SEC14L2: variants seen among roughly 807,000 people sequenced by gnomAD.
SEC14L2 encodes SEC14 like lipid binding 2.
SEC14L2 carries 50 observed loss-of-function variants against 56.9 expected under a neutral mutation model. That is an observed-to-expected ratio of 0.88 (90% CI 0.70 to 1.11). The LOEUF (loss-of-function observed/expected upper bound fraction) is 1.11, where lower values mean the gene tolerates loss of function less well. Ranked by LOEUF, SEC14L2 falls within the 50% of genes most tolerant of loss-of-function variation. The pLI is 0.00. For synonymous variants in SEC14L2, 179 were observed against 188.5 expected, an observed-to-expected ratio of 0.95 and a Z score of 0.41; for missense variants, 414 against 500.7, an observed-to-expected ratio of 0.83 and a Z score of 1.65.
rs1000696529 is a variant in SEC14L2 at position 30,424,827 on chromosome 22, G to T, written c.*2420G>T. 3 of 456,574 alleles carry T rather than the reference G, an allele frequency of 6.6e-6. No homozygotes were observed. Among genetic ancestry groups the T allele is most frequent in the Non-Finnish European group, 8.8e-6 (2 of 226,962 alleles). The allele number at this position is 456,574 out of a possible 1,614,324, so 28.3% of individuals were successfully genotyped here. A position where few individuals can be genotyped will look rare whatever the true frequency, so the allele number is the denominator to read the frequency against. On this transcript the variant is annotated 3_prime_UTR_variant, in exon 12 of 12. Transcript: ENST00000615189. ...GCTCACCTGGGTGAACTGAGGTCCA[G>T]CGGGGGAAGGCTTCCTCCTGTTGTA...
intron 11 of SEC14L2, 181 bp downstream of exon 11, chr22:30,416,584 C>G: frequency 6.7e-7 from 1 of 1,484,498 alleles, no homozygotes; most frequent in South Asian, 1.4e-5. Flanking sequence ...TTATGGTGAC[C>G]CAACTGGTTA....
In SEC14L2 at chr22:30,416,017, A is replaced by G. The variant is rs1229487070; in HGVS notation, c.841A>G (p.Ser281Gly). Residue 281 changes from serine (S) to glycine (G), a missense_variant, in exon 10 of 12, where the codon AGC (serine) becomes GGC (glycine). Coordinates refer to ENST00000615189, the MANE Select transcript of SEC14L2 (RefSeq NM_012429.5). The part of the protein sequence containing the change: ...RDQVKQQYEH[S>G]VQISRGSSHQ... Reference sequence around the variant, plus strand: ...CCAGGTGAAACAGCAGTATGAACACAGCGTGCAGATTTCCCGTGGCTCCTC... The same window carrying G: ...CCAGGTGAAACAGCAGTATGAACACGGCGTGCAGATTTCCCGTGGCTCCTC... 1 of 1,614,236 alleles carries G rather than the reference A, an allele frequency of 6.2e-7. No homozygotes were observed. Among genetic ancestry groups the G allele is most frequent in the East Asian group, 2.2e-5 (1 of 44,890 alleles).
At chr22:30,418,498 T>C (rs969157432) in intron 11 of SEC14L2, among the ~76,000 whole-genome samples, 9 of 152,218 alleles carry the variant, frequency 5.9e-5, no homozygotes, top group Admixed American at 2.6e-4. Context: ...CTGAAGGACA[T>C]TGCCCAAGAA....
At chr22:30,409,064 AGGTCC>A in intron 5 of SEC14L2, 118 bp from the exon 6 acceptor site, 1 of 879,214 alleles carries the variant, frequency 1.1e-6, no homozygotes. Context: ...GGAAAACTCT[AGGTCC>A]GGCCCTAACT....
At chr22:30,417,967 T>C (rs545560060) in intron 11 of SEC14L2, among the ~76,000 whole-genome samples, 1 of 152,228 alleles carries the variant, frequency 6.6e-6, no homozygotes, top group East Asian at 1.9e-4. Context: ...AGCCGGGTCC[T>C]GGGGGAGAAG....
chr22:30,418,682 C>G (rs1934443795), intron 11 of SEC14L2, among the ~76,000 whole-genome samples: 1 of 152,188 alleles, frequency 6.6e-6, no homozygotes, highest in Non-Finnish European at 1.5e-5. Context: ...GGATCCATTC[C>G]CCCTTCCCAG....
chr22:30,416,542 A>G, intron 11 of SEC14L2, 139 bp downstream of exon 11: 1 of 1,537,000 alleles, frequency 6.5e-7, no homozygotes, highest in Non-Finnish European at 8.8e-7. Context: ...CTCTCCTTGT[A>G]TAGATGAAGA....
At chr22:30,398,643 C>G (rs1223257930) in intron 1 of SEC14L2, 1 of 463,914 alleles carries the variant, frequency 2.2e-6, no homozygotes, top group Non-Finnish European at 4.5e-6. Context: ...GAGTTGCCCA[C>G]CTCTCTCCCC....
chr22:30,405,068 CAA>C (rs71328849), intron 2 of SEC14L2, among the ~76,000 whole-genome samples: 8 of 139,058 alleles, frequency 5.8e-5, no homozygotes, highest in African/African-American at 1.9e-4. Flanking sequence ...GAAATTGTCT[CAA>C]AAAAAAAAAG....
At chr22:30,407,022 G>A (rs1036346687) in intron 3 of SEC14L2, 73 bp from the exon 4 acceptor site, 6 of 1,502,114 alleles carry the variant, frequency 4.0e-6, no homozygotes, top group Non-Finnish European at 5.5e-6. Flanking sequence ...AAAGTGCTGG[G>A]ATTACAGGTG....
At chr22:30,402,348 A>G (rs1005522550) in intron 2 of SEC14L2, among the ~76,000 whole-genome samples, 3 of 152,152 alleles carry the variant, frequency 2.0e-5, no homozygotes, top group Non-Finnish European at 4.4e-5. Flanking sequence ...ACAGCAACAC[A>G]GCTCTCTTAC....
intron 7 of SEC14L2, among the ~76,000 whole-genome samples, chr22:30,410,050 T>C (rs1934207372): frequency 6.6e-6 from 1 of 152,108 alleles, no homozygotes; most frequent in African/African-American, 2.4e-5. Flanking sequence ...ATATGGAAAT[T>C]AGCTGGGCGT....
intron 5 of SEC14L2, among the ~76,000 whole-genome samples, chr22:30,408,116 AAAAAGGAGTCCTTT>A (rs1415274274): frequency 6.6e-6 from 1 of 152,018 alleles, no homozygotes; most frequent in Non-Finnish European, 1.5e-5. Context: ...AAAAAAAAAA[AAAAAGGAGTCCTTT>A]AAATTGAATA....
At chr22:30,397,256 G>T in intron 1 of SEC14L2, 86 bp downstream of exon 1, 1 of 1,222,674 alleles carries the variant, frequency 8.2e-7, no homozygotes. Context: ...GGCTGGGTGG[G>T]GGCCGAGGGT....
At chr22:30,397,606 G>A (rs992448448) in intron 1 of SEC14L2, 2 of 306,408 alleles carry the variant, frequency 6.5e-6, no homozygotes, top group African/African-American at 4.5e-5. Context: ...CTCCTTGGGA[G>A]ACTTGGATAG....
Position 30,407,590 on chromosome 22 carries a change from A to C in SEC14L2, c.410A>C (p.His137Pro), listed in dbSNP as rs77995868. 1 of 1,613,804 alleles carries C rather than the reference A, an allele frequency of 6.2e-7. No individual in the cohort carries two copies. Among genetic ancestry groups the C allele is most frequent in the South Asian group, 1.1e-5 (1 of 91,080 alleles). ...GAGCTGCTTCTGCAAGAGTGTGCCC[A>C]CCAGACCACAAAGGTGAGTGGACCA... is the stretch of plus-strand genomic sequence containing the variant. ...ECELLLQECAHQTTKLGRKVE... is the reference protein window; with the variant it reads ...ECELLLQECAPQTTKLGRKVE... Residue 137 changes from histidine to proline, a missense_variant, in exon 5 of 12, where the codon CAC (histidine) becomes CCC (proline). Physicochemically the swap from His to Pro is moderately conservative, Grantham distance 77. Transcript: ENST00000615189.
Position 30,415,841 on chromosome 22 carries a change from T to A in SEC14L2, c.747T>A (p.Asp249Glu), listed in dbSNP as rs1202447477. The change falls in exon 9 of 12, where the codon GAT becomes GAA. Residue 249 changes from aspartate to glutamate, a missense_variant. Asp to Glu is a conservative substitution (Grantham distance 45). Transcript: ENST00000615189. ...ATGGGGGCACCATGACTGACCCTGATGGAAACCCCAAGTGCAAATCCAAGG... is the reference window on the plus strand; with the variant it reads ...ATGGGGGCACCATGACTGACCCTGAAGGAAACCCCAAGTGCAAATCCAAGG... Reference protein sequence around the residue: ...VEYGGTMTDPDGNPKCKSKIN... With the variant: ...VEYGGTMTDPEGNPKCKSKIN... 6.2e-7 allele frequency: 1 copy of A among 1,614,004 alleles called. No individual in the cohort carries two copies. Among genetic ancestry groups the A allele is most frequent in the Non-Finnish European group, 8.5e-7 (1 of 1,180,030 alleles).
intron 1 of SEC14L2, among the ~76,000 whole-genome samples, chr22:30,398,358 G>C (rs887309332): frequency 1.3e-5 from 2 of 152,156 alleles, no homozygotes; most frequent in Non-Finnish European, 2.9e-5. Context: ...GGGTGGGATG[G>C]TCTGAGTCCC....
intron 8 of SEC14L2, among the ~76,000 whole-genome samples, chr22:30,415,115 T>G (rs1934351998): frequency 6.6e-6 from 1 of 152,062 alleles, no homozygotes; most frequent in Non-Finnish European, 1.5e-5. Flanking sequence ...ACTCTTAACG[T>G]GTATAAGGCA....
Sources: gnomAD v4.1 joint callset for allele counts (sites outside exome capture counted in the v4.1 genomes callset) on GRCh38, gnomAD v4.1.1 for gene constraint, MANE v1.5 for transcripts, NCBI Gene and HGNC (gene_info 2026-07-23, HGNC 2026-07-21) for gene names.